Variants in RP1 observed in about 807,000 individuals in gnomAD.
The protein encoded by RP1 is RP1 axonemal microtubule associated, also known as oxygen-regulated protein 1.
A neutral mutation model predicts 14.8 loss-of-function variants in RP1; 16 were observed. The ratio of observed to expected loss-of-function variants is 1.08; its 90% CI spans 0.73 to 1.65. The LOEUF is 1.65. Among genes scored for constraint, RP1 ranks in the 40% most tolerant of loss-of-function variants. RP1 has a pLI of 0.00. For missense variants in RP1, 2,631 were observed against 2,535.0 expected (o/e 1.04, Z -0.81); for synonymous variants, 876 against 883.6 (o/e 0.99, Z 0.15).
At chr8:54,843,012 C>T (rs1438376305) in intron 25 of RP1, among the ~76,000 whole-genome samples, 2 of 152,192 alleles carry the variant, frequency 1.3e-5, no homozygotes, top group African/African-American at 4.8e-5. Context: ...CTCCACTCCC[C>T]TCCCAACTGT....
rs762951570 is a variant in RP1, at chr8:54,628,077, TG to T, written c.4196del (p.Cys1399LeufsTer5). 4.3e-6 allele frequency: 7 copies of T among 1,614,054 alleles called. No individual in the cohort carries two copies. In the East Asian group the frequency reaches 1.6e-4, roughly 36 times the overall value. ...TCAAAATGTCAGTAATTTAAGCTCC[TG>T]TGGCCTTTGCCTAAGTGAAAAAGAA... ...SHQNVSNLSS[C>X]GLCLSEKEAE... On this transcript the variant is annotated frameshift_variant, in exon 4 of 4. Coordinates refer to ENST00000220676, the MANE Select transcript of RP1 (RefSeq NM_006269.2). LOFTEE classifies it low-confidence loss of function (END_TRUNC).
chr8:54,756,219 C>T (rs1175845209), intron 21 of RP1, among the ~76,000 whole-genome samples: 1 of 152,102 alleles, frequency 6.6e-6, no homozygotes, highest in Non-Finnish European at 1.5e-5. Context: ...CACCTAAGCC[C>T]CTCCTTATTT....
chr8:54,626,496 C>A lies in RP1; in HGVS notation c.2614C>A (p.Arg872Ser). 6.2e-7 allele frequency: 1 copy of A among 1,613,572 alleles called. No individual in the cohort carries two copies. Among genetic ancestry groups the A allele is most frequent in the Non-Finnish European group, 8.5e-7 (1 of 1,179,850 alleles). Residue 872 changes from arginine (R) to serine (S), a missense_variant, in exon 4 of 4, where the codon CGT becomes AGT. Arg to Ser is a moderately radical substitution (Grantham distance 110). Coordinates refer to ENST00000220676, the MANE Select transcript of RP1 (RefSeq NM_006269.2). Reference sequence around the variant, plus strand: ...CATAACTTTAAAAAGCCAGAAAAAACGTAAAGGGGATAAAGTGAAAGCAAG... The same window carrying A: ...CATAACTTTAAAAAGCCAGAAAAAAAGTAAAGGGGATAAAGTGAAAGCAAG... ...SHITLKSQKKRKGDKVKASAI... is the reference protein window; with the variant it reads ...SHITLKSQKKSKGDKVKASAI...
intron 1 of RP1, among the ~76,000 whole-genome samples, chr8:54,605,976 T>A (rs1383160969): frequency 6.6e-6 from 1 of 151,536 alleles, no homozygotes. Flanking sequence ...AGCACACTGA[T>A]GGGTCTTGAC....
At chr8:54,725,219 T>C (rs1044045385) in intron 16 of RP1, among the ~76,000 whole-genome samples, 2 of 152,222 alleles carry the variant, frequency 1.3e-5, no homozygotes, top group East Asian at 3.8e-4. Context: ...TATATAAGAA[T>C]CTTAAATTTT....
chr8:54,817,299 T>C (rs1355266444), intron 24 of RP1, among the ~76,000 whole-genome samples: 2 of 152,092 alleles, frequency 1.3e-5, no homozygotes, highest in South Asian at 2.1e-4. Flanking sequence ...ACTGGGAGAA[T>C]TGAGACAAAG....
chr8:54,835,555 T>C (rs1190756673), intron 24 of RP1, among the ~76,000 whole-genome samples: 3 of 152,146 alleles, frequency 2.0e-5, no homozygotes, highest in African/African-American at 7.2e-5. Flanking sequence ...AGATTAGATA[T>C]ATTTAGACCA....
intron 7 of RP1, among the ~76,000 whole-genome samples, chr8:54,670,754 AT>A (rs1184765507): frequency 1.5e-4 from 21 of 141,614 alleles, no homozygotes; most frequent in Admixed American, 3.6e-4. Context: ...TATATAGTAC[AT>A]TTTTTTGTCT....
At chr8:54,699,175 G>A (rs550105539) in intron 12 of RP1, among the ~76,000 whole-genome samples, 35 of 150,886 alleles carry the variant, frequency 2.3e-4, no homozygotes, top group South Asian at 6.3e-4. Flanking sequence ...GTGTATATAC[G>A]TACATACTCA....
At chr8:54,842,400 C>T (rs1244558494) in intron 25 of RP1, among the ~76,000 whole-genome samples, 2 of 152,184 alleles carry the variant, frequency 1.3e-5, no homozygotes, top group East Asian at 3.9e-4. Flanking sequence ...CAAAGAAGGG[C>T]TCTGAATCAT....
At chr8:54,777,316 ACT>A (rs1451672383) in intron 23 of RP1, among the ~76,000 whole-genome samples, 1 of 152,176 alleles carries the variant, frequency 6.6e-6, no homozygotes, top group Non-Finnish European at 1.5e-5. Context: ...CGGTTGGCTG[ACT>A]CTGTCACTCT....
Position 54,779,413 on chromosome 8 carries a change from C to A in RP1, c.3452-4134C>A, listed in dbSNP as rs1361957934. ...CCCAACTAACAATTGCATGTAAGAG[C>A]TTAATTCACATGCATCTTCTCTGCA... is the stretch of plus-strand genomic sequence containing the variant. On this transcript the variant is annotated intron_variant, in intron 23 of 28. Coordinates refer to the RP1 transcript ENST00000637698. Among the ~76,000 whole-genome samples the A allele has an allele frequency of 3.3e-5, 5 of 152,142 alleles. No homozygotes were observed. The East Asian group carries it at 7.7e-4, about 23-fold the overall frequency.
chr8:54,696,300 A>T, intron 12 of RP1: 2 of 426,958 alleles, frequency 4.7e-6, no homozygotes, highest in South Asian at 3.4e-5. Context: ...GACTAAACTC[A>T]AAATTTTTAG....
chr8:54,777,849 A>T (rs1189043048), intron 23 of RP1, among the ~76,000 whole-genome samples: 1 of 151,856 alleles, frequency 6.6e-6, no homozygotes, highest in Non-Finnish European at 1.5e-5. Flanking sequence ...TGTTTCCATT[A>T]TCTTTGTGCT....
intron 5 of RP1, among the ~76,000 whole-genome samples, chr8:54,655,684 G>A (rs1034930837): frequency 6.6e-6 from 1 of 152,118 alleles, no homozygotes; most frequent in African/African-American, 2.4e-5. Flanking sequence ...GGAAGAAATT[G>A]CCATGTTTGA....
chr8:54,571,051 C>T (rs1426192800), intron 1 of RP1, among the ~76,000 whole-genome samples: 6 of 152,172 alleles, frequency 3.9e-5, no homozygotes, highest in Non-Finnish European at 8.8e-5. Context: ...CTTCTGTTGC[C>T]AGCCCTACAT....
chr8:54,793,032 G>A (rs1252619691), intron 24 of RP1, among the ~76,000 whole-genome samples: 1 of 151,658 alleles, frequency 6.6e-6, no homozygotes, highest in African/African-American at 2.4e-5. Context: ...GAAATACATA[G>A]GATCATAAGA....
chr8:54,717,290 G>A (rs374631883), intron 15 of RP1, among the ~76,000 whole-genome samples: 20 of 152,192 alleles, frequency 1.3e-4, no homozygotes, highest in Admixed American at 4.6e-4. Context: ...GAGCAAAGAT[G>A]TTTTTGCTCT....
intron 1 of RP1, among the ~76,000 whole-genome samples, chr8:54,595,456 T>TAG (rs1401864260): frequency 6.6e-6 from 1 of 152,156 alleles, no homozygotes; most frequent in African/African-American, 2.4e-5. Context: ...ACTAACAACT[T>TAG]TAATCTAACT....
Sources: allele counts gnomAD v4.1 joint callset (sites outside exome capture counted in the v4.1 genomes callset), GRCh38; gene constraint gnomAD v4.1.1; transcripts MANE v1.5; gene names NCBI Gene and HGNC (gene_info 2026-07-23, HGNC 2026-07-21).